FBXO27: variants seen among roughly 807,000 people sequenced by gnomAD.
The protein encoded by FBXO27 is F-box protein 27.
Under a neutral mutation model 28.3 loss-of-function variants are expected in FBXO27, and 28 were observed. The ratio of observed to expected loss-of-function variants is 0.99; its 90% confidence interval spans 0.73 to 1.36. The LOEUF is 1.36. Among genes scored for constraint, FBXO27 ranks in the 40% most tolerant of loss-of-function variants. FBXO27 has a pLI of 0.00. For missense variants in FBXO27, 388 were observed against 394.1 expected (o/e 0.98, Z 0.13); for synonymous variants, 175 against 167.3 (o/e 1.05, Z -0.36).
At chr19:39,028,684 C>T (rs558709655) in intron 4 of FBXO27, among the ~76,000 whole-genome samples, 34 of 151,806 alleles carry the variant, frequency 2.2e-4, no homozygotes, top group Admixed American at 4.6e-4. Flanking sequence ...CCAACGTGGC[C>T]AAACCCCGTC....
chr19:39,010,821 G>T (rs1361408848), intron 2 of FBXO27, among the ~76,000 whole-genome samples: 1 of 152,228 alleles, frequency 6.6e-6, no homozygotes, highest in Non-Finnish European at 1.5e-5. Flanking sequence ...AGTTGTAACA[G>T]GGCTGGAGCT....
In FBXO27 at chr19:39,029,769, G is replaced by A. The variant is rs566666512; in HGVS notation, c.572+1260C>T. Among the ~76,000 whole-genome samples, 47 of 152,260 alleles carry A rather than the reference G, an allele frequency of 3.1e-4. No homozygotes were observed. The South Asian group carries it at 9.5e-3, about 31-fold the overall frequency. ...CCATCACTACAGAGGACAAGCTCTG[G>A]AGTCAGAATCTGACTCTGAGCCTTA... On this transcript the variant is annotated intron_variant, in intron 4 of 5. Transcript: ENST00000292853.
intron 2 of FBXO27, among the ~76,000 whole-genome samples, chr19:39,012,844 T>G (rs12982199): frequency 0.47 from 70,572 of 151,504 alleles, 16,685 homozygotes; most frequent in Middle Eastern, 0.58. Context: ...CCTGTAGTCC[T>G]AGGTACTTGG....
downstream of FBXO27, among the ~76,000 whole-genome samples, chr19:39,022,146 C>CT (rs532602600): frequency 4.9e-3 from 439 of 89,052 alleles, 26 homozygotes; most frequent in African/African-American, 9.0e-3. Context: ...ATTTTCTATT[C>CT]TTTTTTTTTT....
chr19:39,030,904 G>A, intron 4 of FBXO27, 125 bp downstream of exon 4: 2 of 811,016 alleles, frequency 2.5e-6, no homozygotes, highest in Non-Finnish European at 2.1e-6. Context: ...CACCATGGCT[G>A]GCCTGAACTT....
intron 2 of FBXO27, among the ~76,000 whole-genome samples, chr19:39,006,364 C>A (rs1448700546): frequency 6.6e-6 from 1 of 151,952 alleles, no homozygotes; most frequent in Non-Finnish European, 1.5e-5. Context: ...TCGAGACCAG[C>A]CCAACCAACA....
Position 39,032,373 on chromosome 19 carries a change from A to C in FBXO27, c.-26-120T>G. 8.4e-7 allele frequency: 1 copy of C among 1,194,104 alleles called. No homozygotes were observed. The highest frequency in any genetic ancestry group is 1.1e-6 in the Non-Finnish European group (1 of 913,406). 74.0% of individuals were successfully genotyped at this position (1,194,104 alleles called of 1,614,324 possible). A position where few individuals can be genotyped will look rare whatever the true frequency, so the allele number is the denominator to read the frequency against. Reference sequence around the variant, plus strand: ...TCACCATCCCTGGGCCCCGTCCCCAAGTCCCCATCCCCCAGCCCGTCCTTG... The same window carrying C: ...TCACCATCCCTGGGCCCCGTCCCCACGTCCCCATCCCCCAGCCCGTCCTTG... On this transcript the variant is annotated intron_variant, in intron 1 of 5. Transcript: ENST00000292853. The surrounding 1 kb of genome is among the most constrained non-coding windows in gnomAD (Gnocchi z 4.7).
At chr19:39,029,557 G>C (rs1600228677) in intron 4 of FBXO27, among the ~76,000 whole-genome samples, 1 of 152,002 alleles carries the variant, frequency 6.6e-6, no homozygotes, top group African/African-American at 2.4e-5. Context: ...TAAAACTAGA[G>C]AAGGGGGACA....
intron 1 of FBXO27, among the ~76,000 whole-genome samples, chr19:39,015,952 A>G (rs2072817663): frequency 6.6e-6 from 1 of 151,708 alleles, no homozygotes; most frequent in African/African-American, 2.4e-5. Context: ...GTCACCTGTA[A>G]TCCCAGCTAC....
chr19:39,015,608 G>T (rs577833512), intron 1 of FBXO27, among the ~76,000 whole-genome samples: 1 of 152,060 alleles, frequency 6.6e-6, no homozygotes, highest in Admixed American at 6.6e-5. Context: ...CTTCAGCCTC[G>T]GCAACAGAGT....
intron 2 of FBXO27, chr19:39,014,255 A>C (rs554262738): frequency 4.7e-4 from 72 of 152,410 alleles, no homozygotes; most frequent in African/African-American, 1.7e-3. Context: ...GGTCCAGGCC[A>C]GTAGGATCTG....
chr19:39,019,267 C>CAA (rs377475224), downstream of FBXO27, among the ~76,000 whole-genome samples: 8 of 147,704 alleles, frequency 5.4e-5, no homozygotes, highest in Non-Finnish European at 1.2e-4. Context: ...ACTAAAAATA[C>CAA]AAAAAAACTT....
rs1293916015 is a variant in FBXO27, at chr19:39,031,933, A to G, written c.295T>C (p.Cys99Arg). Residue 99 changes from cysteine to arginine, a missense_variant, in exon 2 of 6, where the codon TGC (cysteine) becomes CGC (arginine). By Grantham distance (180) the Cys-to-Arg change is radical. Coordinates refer to ENST00000292853, the MANE Select transcript of FBXO27 (RefSeq NM_178820.5). ...CGCGCGCAGAAGCGGCCCAGGGGGC[A>G]AGGCCTGGCGTTACGGGCGGGAGAC... is the stretch of plus-strand genomic sequence containing the variant. ...CQSPARNARP[C>R]PLGRFCARRP... 1 of 1,514,604 alleles carries G rather than the reference A, an allele frequency of 6.6e-7. No individual in the cohort carries two copies. Among genetic ancestry groups the G allele is most frequent in the Non-Finnish European group, 8.7e-7 (1 of 1,143,074 alleles). 93.8% of individuals were successfully genotyped at this position (1,514,604 alleles called of 1,614,324 possible). A position where few individuals can be genotyped will look rare whatever the true frequency, so the allele number is the denominator to read the frequency against.
chr19:39,021,622 T>C (rs561633227), downstream of FBXO27, among the ~76,000 whole-genome samples: 110 of 152,118 alleles, frequency 7.2e-4, no homozygotes, highest in Non-Finnish European at 9.7e-4. Flanking sequence ...TGGTCAACAG[T>C]AGGCTATTAG....
chr19:39,028,236 C>CA (rs1269014670), intron 4 of FBXO27, among the ~76,000 whole-genome samples: 1 of 151,674 alleles, frequency 6.6e-6, no homozygotes, highest in Non-Finnish European at 1.5e-5. Flanking sequence ...GTCTCAAAAA[C>CA]AAAAAACAAA....
intron 1 of FBXO27, among the ~76,000 whole-genome samples, chr19:39,015,317 TCAAAAAAAAA>T (rs2072814542): frequency 2.8e-5 from 1 of 35,338 alleles, no homozygotes; most frequent in African/African-American, 1.8e-4. Flanking sequence ...AGACTCTGTC[TCAAAAAAAAA>T]AAAAAAAAAA....
chr19:39,031,871 G>A lies in FBXO27; in HGVS notation c.357C>T (p.Cys119=). The A allele has an allele frequency of 6.8e-7, 1 of 1,480,876 alleles. No individual in the cohort carries two copies. The highest frequency in any genetic ancestry group is 8.9e-7 in the Non-Finnish European group (1 of 1,126,882). The allele number at this position is 1,480,876 out of a possible 1,614,324, so 91.7% of individuals were successfully genotyped here. A position where few individuals can be genotyped will look rare whatever the true frequency, so the allele number is the denominator to read the frequency against. ...PIGRNLIRNP[C]GQEGLRKWMV... is the part of the protein sequence containing the mutation. ...CCTCTTCCGAGATCCCACCTTGGCCGCAGGGGTTGCGAATAAGGTTGCGTC... is the reference window on the plus strand; with the variant it reads ...CCTCTTCCGAGATCCCACCTTGGCCACAGGGGTTGCGAATAAGGTTGCGTC... The change falls in exon 2 of 6, where the codon TGC becomes TGT. Residue 119 remains cysteine, a synonymous_variant. Transcript: ENST00000292853.
downstream of FBXO27, among the ~76,000 whole-genome samples, chr19:39,019,450 A>G: frequency 9.2e-6 from 1 of 108,140 alleles, no homozygotes; most frequent in African/African-American, 3.4e-5. Flanking sequence ...AAAAAAAAAA[A>G]AAAAAAAAAA....
chr19:39,030,769 ATT>A (rs540287512), intron 4 of FBXO27: 1 of 438,098 alleles, frequency 2.3e-6, no homozygotes, highest in South Asian at 2.6e-5. Context: ...GGCCCGGCTA[ATT>A]TTTTTTTTGT....
Sources: gnomAD v4.1 joint callset for allele counts (sites outside exome capture counted in the v4.1 genomes callset) on GRCh38, gnomAD v4.1.1 for gene constraint, Gnocchi (gnomAD v3.1) non-coding constraint, MANE v1.5 for transcripts, NCBI Gene and HGNC (gene_info 2026-07-23, HGNC 2026-07-21) for gene names.